The following ARHGAP15 variants were observed in gnomAD, a reference collection of about 807,000 sequenced individuals.
ARHGAP15 encodes the protein Rho GTPase activating protein 15.
A neutral mutation model predicts 63.7 loss-of-function variants in ARHGAP15; 51 were observed. The ratio of observed to expected loss-of-function variants is 0.80; its 90% CI spans 0.64 to 1.01. The LOEUF (loss-of-function observed/expected upper bound fraction) is 1.01, where lower values mean the gene tolerates loss of function less well. Among genes scored for constraint, ARHGAP15 ranks in the 50% least tolerant of loss-of-function variants. The pLI, the probability that ARHGAP15 is intolerant of heterozygous loss-of-function variation, is 0.00. For synonymous variants in ARHGAP15, 191 were observed against 193.8 expected (o/e 0.99, Z 0.12); for missense variants, 560 against 564.6 (o/e 0.99, Z 0.08).
intron 2 of ARHGAP15, among the ~76,000 whole-genome samples, chr2:143,159,910 G>A (rs1690224503): frequency 6.6e-6 from 1 of 151,846 alleles, no homozygotes; most frequent in African/African-American, 2.4e-5. Flanking sequence ...GATTATTAAA[G>A]CTTATTTTAA....
intron 6 of ARHGAP15, among the ~76,000 whole-genome samples, chr2:143,306,242 T>C (rs1294273907): frequency 6.6e-6 from 1 of 152,232 alleles, no homozygotes. Context: ...TAGAAAGTCG[T>C]TCTGAGACTT....
chr2:143,695,151 A>T (rs894356697), intron 12 of ARHGAP15, among the ~76,000 whole-genome samples: 5 of 152,002 alleles, frequency 3.3e-5, no homozygotes, highest in African/African-American at 4.8e-5. Flanking sequence ...TTTTTTAATT[A>T]AAAAAAAGGT....
At chr2:143,459,549 A>G (rs889847641) in intron 8 of ARHGAP15, among the ~76,000 whole-genome samples, 2 of 152,304 alleles carry the variant, frequency 1.3e-5, no homozygotes, top group South Asian at 4.1e-4. Flanking sequence ...AGGGGTGTAT[A>G]TAAGTATTTT....
intron 8 of ARHGAP15, among the ~76,000 whole-genome samples, chr2:143,472,882 G>GT (rs1422216641): frequency 6.6e-6 from 1 of 152,178 alleles, no homozygotes; most frequent in Non-Finnish European, 1.5e-5. Context: ...CACTTGCTAA[G>GT]TGGTAGACCC....
intron 6 of ARHGAP15, among the ~76,000 whole-genome samples, chr2:143,360,356 G>A (rs201445019): frequency 2.6e-5 from 4 of 152,064 alleles, no homozygotes; most frequent in African/African-American, 4.8e-5. Context: ...CTGCAATCGC[G>A]CCTGGGTGGT....
intron 8 of ARHGAP15, among the ~76,000 whole-genome samples, chr2:143,474,698 C>T (rs1438254156): frequency 6.6e-6 from 1 of 152,180 alleles, no homozygotes; most frequent in African/African-American, 2.4e-5. Context: ...ACAATTTGGG[C>T]GTCTTTTTCT....
chr2:143,697,305 G>C (rs1683893887), intron 12 of ARHGAP15, among the ~76,000 whole-genome samples: 2 of 152,188 alleles, frequency 1.3e-5, no homozygotes, highest in South Asian at 4.1e-4. Flanking sequence ...TATCAGGGAT[G>C]ATAGAGAAGA....
intron 10 of ARHGAP15, among the ~76,000 whole-genome samples, chr2:143,529,122 T>G (rs1345165206): frequency 6.6e-6 from 1 of 152,130 alleles, no homozygotes; most frequent in African/African-American, 2.4e-5. Context: ...CAAACTGAAC[T>G]TTTTTGAACT....
chr2:143,488,695 T>A (rs1362126708), intron 9 of ARHGAP15, among the ~76,000 whole-genome samples: 1 of 152,260 alleles, frequency 6.6e-6, no homozygotes, highest in Non-Finnish European at 1.5e-5. Flanking sequence ...AGCATTTAAA[T>A]AATTTATAAC....
At chr2:143,260,611 A>G (rs779753989) in intron 6 of ARHGAP15, among the ~76,000 whole-genome samples, 1 of 152,162 alleles carries the variant, frequency 6.6e-6, no homozygotes, top group South Asian at 2.1e-4. Flanking sequence ...GGAGAATTAT[A>G]TACTGAATTA....
chr2:143,211,135 G>A (rs1692542060), intron 3 of ARHGAP15, among the ~76,000 whole-genome samples: 1 of 151,796 alleles, frequency 6.6e-6, no homozygotes, highest in South Asian at 2.1e-4. Flanking sequence ...CAGTGAGTTC[G>A]CCGGTAATGA....
At chr2:143,510,372 C>T (rs1425223861) in intron 9 of ARHGAP15, among the ~76,000 whole-genome samples, 4 of 152,114 alleles carry the variant, frequency 2.6e-5, no homozygotes, top group Non-Finnish European at 4.4e-5. Context: ...ATCAATGAAG[C>T]ATCATCTAGA....
At chr2:143,339,179 G>C (rs1320116247) in intron 6 of ARHGAP15, among the ~76,000 whole-genome samples, 1 of 152,072 alleles carries the variant, frequency 6.6e-6, no homozygotes, top group East Asian at 1.9e-4. Context: ...TGTTGCTGTG[G>C]TTGTTGACTG....
At chr2:143,612,120 AT>A (rs758379338) in intron 11 of ARHGAP15, among the ~76,000 whole-genome samples, 1 of 152,226 alleles carries the variant, frequency 6.6e-6, no homozygotes, top group Non-Finnish European at 1.5e-5. Flanking sequence ...AACAGAGACC[AT>A]TTAATCTATT....
At chr2:143,327,965 A>C (rs569444700) in intron 6 of ARHGAP15, among the ~76,000 whole-genome samples, 2 of 152,340 alleles carry the variant, frequency 1.3e-5, no homozygotes, top group East Asian at 3.9e-4. Context: ...TCTCAAAAGA[A>C]GACATTTATG....
intron 8 of ARHGAP15, among the ~76,000 whole-genome samples, chr2:143,479,714 G>T (rs774050797): frequency 6.6e-6 from 1 of 151,644 alleles, no homozygotes; most frequent in Non-Finnish European, 1.5e-5. Flanking sequence ...ATGTCTAAAT[G>T]ATCTGAATCT....
At chr2:143,394,579 T>C (rs1446879387) in intron 6 of ARHGAP15, among the ~76,000 whole-genome samples, 7 of 152,186 alleles carry the variant, frequency 4.6e-5, no homozygotes, top group Non-Finnish European at 8.8e-5. Flanking sequence ...ATGGCCACTT[T>C]AATGACTAGT....
rs570335177 is a variant in ARHGAP15, at chr2:143,596,877, T to C, written c.1004-27256T>C. Among the ~76,000 whole-genome samples, 5 of 152,266 alleles carry C rather than the reference T, an allele frequency of 3.3e-5. No homozygotes were observed. The East Asian group carries it at 9.6e-4, about 29-fold the overall frequency. ...GGAACATTTTAAGTGTTTTTAATTATTTTAGAGGTATCTATGTATCTTCAC... is the reference window on the plus strand; with the variant it reads ...GGAACATTTTAAGTGTTTTTAATTACTTTAGAGGTATCTATGTATCTTCAC... On this transcript the variant is annotated intron_variant, in intron 11 of 13. Transcript: ENST00000295095.
At chr2:143,542,590 T>C (rs781245068) in intron 10 of ARHGAP15, among the ~76,000 whole-genome samples, 3 of 147,310 alleles carry the variant, frequency 2.0e-5, no homozygotes, top group Non-Finnish European at 3.0e-5. Flanking sequence ...ATATATATCA[T>C]ATATGTGTAT....
Sources: allele counts gnomAD v4.1 joint callset (sites outside exome capture counted in the v4.1 genomes callset), GRCh38; gene constraint gnomAD v4.1.1; transcripts MANE v1.5; gene names NCBI Gene and HGNC (gene_info 2026-07-23, HGNC 2026-07-21).